The following IMPG1 variants were observed in gnomAD, a reference collection of about 807,000 sequenced individuals.
IMPG1 encodes interphotoreceptor matrix proteoglycan of 150 kDa.
IMPG1 carries 85 observed loss-of-function variants against 92.0 expected under a neutral mutation model. The observed-to-expected ratio is 0.92, with a 90% CI of 0.78 to 1.11. IMPG1 has a LOEUF of 1.11. Among genes scored for constraint, IMPG1 ranks in the 50% least tolerant of loss-of-function variants. The pLI is 0.00. For synonymous variants in IMPG1, 367 were observed against 334.1 expected (o/e 1.10, Z -1.08); for missense variants, 1,022 against 956.0 (o/e 1.07, Z -0.91).
At chr6:75,934,100 A>C (rs1244589364) in intron 14 of IMPG1, among the ~76,000 whole-genome samples, 1 of 152,098 alleles carries the variant, frequency 6.6e-6, no homozygotes, top group Non-Finnish European at 1.5e-5. Flanking sequence ...CCCCCACCCC[A>C]CCACATCTTC....
chr6:76,007,509 C>T lies in IMPG1; in HGVS notation c.867-9G>A. ...CTTTTTCTTTCTTTGGTCTTCATTT[C>T]ATCATGCACAATGGAAACATGAAAA... is the stretch of plus-strand genomic sequence containing the variant. On this transcript the variant is annotated splice_polypyrimidine_tract_variant and intron_variant, in intron 8 of 16. Transcript: ENST00000369950. The T allele has an allele frequency of 6.3e-7, 1 of 1,591,268 alleles. No individual in the cohort carries two copies.
chr6:75,960,051 TA>T (rs1296459979), intron 12 of IMPG1, among the ~76,000 whole-genome samples: 2 of 152,132 alleles, frequency 1.3e-5, no homozygotes, highest in African/African-American at 4.8e-5. Context: ...GGGAAAAGCG[TA>T]GTATCTGGCT....
intron 14 of IMPG1, among the ~76,000 whole-genome samples, chr6:75,941,016 T>C (rs1390479494): frequency 1.3e-5 from 2 of 152,224 alleles, no homozygotes; most frequent in Non-Finnish European, 2.9e-5. Context: ...AAGATTTCTT[T>C]CTGCTGACAT....
chr6:76,017,440 C>G (rs748916694), intron 7 of IMPG1, among the ~76,000 whole-genome samples: 1 of 152,094 alleles, frequency 6.6e-6, no homozygotes, highest in Non-Finnish European at 1.5e-5. Flanking sequence ...TAAATTGCAT[C>G]AAACTGTAAA....
At chr6:75,974,988 A>T (rs1221259366) in intron 12 of IMPG1, among the ~76,000 whole-genome samples, 1 of 152,228 alleles carries the variant, frequency 6.6e-6, no homozygotes, top group Non-Finnish European at 1.5e-5. Flanking sequence ...AAGAAGAATG[A>T]TTTTCTTTTG....
intron 14 of IMPG1, among the ~76,000 whole-genome samples, chr6:75,934,747 T>C (rs1432215106): frequency 6.6e-6 from 1 of 152,116 alleles, no homozygotes; most frequent in East Asian, 1.9e-4. Flanking sequence ...CCTCAGAAGG[T>C]CTCACTCCTT....
intron 1 of IMPG1, among the ~76,000 whole-genome samples, chr6:76,052,953 C>G (rs1198913922): frequency 6.6e-6 from 1 of 152,106 alleles, no homozygotes; most frequent in African/African-American, 2.4e-5. Context: ...GGGGCTGACA[C>G]AAATAAACCA....
chr6:76,059,159 A>G (rs1784165170), intron 1 of IMPG1, among the ~76,000 whole-genome samples: 1 of 152,110 alleles, frequency 6.6e-6, no homozygotes, highest in South Asian at 2.1e-4. Flanking sequence ...AAAGACTGCA[A>G]ATCTGGAGGT....
chr6:75,955,413 T>G (rs961469581), intron 12 of IMPG1, among the ~76,000 whole-genome samples: 5 of 152,198 alleles, frequency 3.3e-5, no homozygotes, highest in African/African-American at 1.2e-4. Context: ...GGCTCTCTGT[T>G]TGTCTATTAT....
At chr6:75,927,574 A>T (rs1180791830) in intron 15 of IMPG1, among the ~76,000 whole-genome samples, 2 of 152,138 alleles carry the variant, frequency 1.3e-5, no homozygotes, top group Non-Finnish European at 2.9e-5. Context: ...AGTAGCTCAT[A>T]GGGGCAACGG....
At chr6:76,010,225 C>T (rs1183318948) in intron 8 of IMPG1, among the ~76,000 whole-genome samples, 1 of 152,200 alleles carries the variant, frequency 6.6e-6, no homozygotes, top group Non-Finnish European at 1.5e-5. Flanking sequence ...TTCTTGCTTT[C>T]AGACAGTAGG....
At chr6:75,928,586 T>G (rs1781603426) in intron 15 of IMPG1, 1 of 152,198 alleles carries the variant, frequency 6.6e-6, no homozygotes, top group Admixed American at 6.5e-5. Flanking sequence ...CTTGTGCTAT[T>G]TCTTTCCCTC....
At chr6:75,992,059 A>G (rs973547417) in intron 12 of IMPG1, among the ~76,000 whole-genome samples, 2 of 152,242 alleles carry the variant, frequency 1.3e-5, no homozygotes, top group African/African-American at 4.8e-5. Flanking sequence ...ATTACCCTAC[A>G]TAGTGTGAGT....
intron 15 of IMPG1, among the ~76,000 whole-genome samples, chr6:75,924,567 T>A (rs1193730066): frequency 3.1e-5 from 1 of 32,004 alleles, no homozygotes; most frequent in African/African-American, 9.1e-5. Flanking sequence ...TAATTATATA[T>A]TATATATAAT....
intron 8 of IMPG1, among the ~76,000 whole-genome samples, chr6:76,010,797 T>C (rs1216961415): frequency 6.6e-6 from 1 of 152,220 alleles, no homozygotes; most frequent in African/African-American, 2.4e-5. Context: ...AACCAGGCAA[T>C]CAGACACCTG....
Position 76,034,660 on chromosome 6 carries a change from G to A in IMPG1, c.429C>T (p.Asn143=). The change falls in exon 3 of 17, where the codon AAC becomes AAT. Residue 143 remains asparagine, a synonymous_variant. Transcript: ENST00000369950. ...CCAGGTGCTCCTGGGAATTGCTGAAGTTTTTTCCAATGTCAAAGAGGCAGA... is the reference window on the plus strand; with the variant it reads ...CCAGGTGCTCCTGGGAATTGCTGAAATTTTTTCCAATGTCAAAGAGGCAGA... ...ETFCLFDIGK[N]FSNSQEHLDL... 1 of 1,614,170 alleles carries A rather than the reference G, an allele frequency of 6.2e-7. No homozygotes were observed. The highest frequency in any genetic ancestry group is 8.5e-7 in the Non-Finnish European group (1 of 1,180,024).
chr6:75,980,273 GA>G (rs763498175), intron 12 of IMPG1, among the ~76,000 whole-genome samples: 5 of 152,154 alleles, frequency 3.3e-5, no homozygotes, highest in Non-Finnish European at 7.4e-5. Flanking sequence ...ACATTTTTCT[GA>G]AAAGACTTAA....
chr6:75,968,610 T>C (rs189247252), intron 12 of IMPG1, among the ~76,000 whole-genome samples: 27 of 152,216 alleles, frequency 1.8e-4, no homozygotes, highest in Non-Finnish European at 2.6e-4. Flanking sequence ...CATCATTTAC[T>C]ATTTTTCACT....
intron 12 of IMPG1, among the ~76,000 whole-genome samples, chr6:75,977,941 G>T (rs549185469): frequency 1.3e-5 from 2 of 152,122 alleles, no homozygotes; most frequent in South Asian, 2.1e-4. Context: ...ATTTCTTAGA[G>T]ATGGGGTCTT....
Sources: gnomAD v4.1 joint callset for allele counts (sites outside exome capture counted in the v4.1 genomes callset) on GRCh38, gnomAD v4.1.1 for gene constraint, MANE v1.5 for transcripts, NCBI Gene and HGNC (gene_info 2026-07-23, HGNC 2026-07-21) for gene names.